TMTC3: variants seen among roughly 807,000 people sequenced by gnomAD.
TMTC3 encodes the protein protein O-mannosyl-transferase TMTC3.
TMTC3 carries 52 observed loss-of-function variants against 92.2 expected under a neutral mutation model. The ratio of observed to expected loss-of-function variants is 0.56; its 90% CI spans 0.45 to 0.71. The LOEUF (loss-of-function observed/expected upper bound fraction) is 0.71. TMTC3 is among the 30% of genes least tolerant of loss of function. TMTC3 has a pLI of 0.00. For missense variants in TMTC3, 896 were observed against 1,057.1 expected (o/e 0.85, Z 2.11); for synonymous variants, 339 against 363.3 (o/e 0.93, Z 0.76).
intron 1 of TMTC3, among the ~76,000 whole-genome samples, chr12:88,146,910 AAT>A (rs1043241357): frequency 6.7e-6 from 1 of 150,154 alleles, no homozygotes; most frequent in African/African-American, 2.4e-5. Context: ...TATTATGTTT[AAT>A]ATGTTTATTA....
intron 4 of TMTC3, among the ~76,000 whole-genome samples, chr12:88,156,622 T>C (rs991271870): frequency 2.6e-5 from 4 of 152,130 alleles, no homozygotes. Context: ...CTAGCCATTG[T>C]AGCTGTGGAT....
At chr12:88,160,495 A>G (rs1409870011) in intron 5 of TMTC3, among the ~76,000 whole-genome samples, 184 bp from the exon 6 acceptor site, 3 of 152,142 alleles carry the variant, frequency 2.0e-5, no homozygotes, top group Non-Finnish European at 2.9e-5. Flanking sequence ...AGTACTGTAC[A>G]GTATAATTCA....
At chr12:88,142,886 G>T (rs2040769929) in intron 1 of TMTC3, among the ~76,000 whole-genome samples, 1 of 152,056 alleles carries the variant, frequency 6.6e-6, no homozygotes, top group African/African-American at 2.4e-5. Flanking sequence ...GAGAGGAGAG[G>T]TTAGTACTTG....
In TMTC3 at chr12:88,148,604, G is replaced by A. The variant is rs2040904240; in HGVS notation, c.189+100G>A. ...CTTTATCAACATTATCATCACAACA[G>A]TTACAGATTTTTAACCCTAAAATGT... is the stretch of plus-strand genomic sequence containing the variant. On this transcript the variant is annotated intron_variant, in intron 2 of 13. Transcript: ENST00000266712. 6 of 890,182 alleles carry A rather than the reference G, an allele frequency of 6.7e-6. No individual in the cohort carries two copies. In the South Asian group the frequency reaches 1.3e-4, roughly 20 times the overall value. The allele number at this position is 890,182 out of a possible 1,614,324, so 55.1% of individuals were successfully genotyped here.
At position 88,160,766 on chromosome 12, in the gene TMTC3, A is replaced by G; in HGVS notation, c.712A>G (p.Lys238Glu). 6.2e-7 allele frequency: 1 copy of G among 1,613,480 alleles called. No individual in the cohort carries two copies. The highest frequency in any genetic ancestry group is 1.1e-5 in the South Asian group (1 of 91,054). Residue 238 changes from lysine (K) to glutamate (E), a missense_variant, in exon 6 of 14, where the codon AAA becomes GAA. Transcript: ENST00000266712. Reference protein sequence around the residue: ...IPFSMLQTLVKLIVLMFSTLL... With the variant: ...IPFSMLQTLVELIVLMFSTLL... The stretch of plus-strand genomic sequence containing the variant: ...ATTTTCTATGCTGCAGACACTAGTA[A>G]AACTCATTGTCTTGATGTTCAGTAC...
chr12:88,192,787 T>C lies in TMTC3; in HGVS notation c.1890T>C (p.His630=), dbSNP rs1040605837. The C allele has an allele frequency of 6.2e-7, 1 of 1,613,184 alleles. No individual in the cohort carries two copies. The highest frequency in any genetic ancestry group is 2.2e-5 in the East Asian group (1 of 44,724). ...FNRALELNPK[H]KLALFNSAIV... Reference sequence around the variant, plus strand: ...GTGCTCTGGAACTAAATCCAAAGCATAAACTAGCATTATTCAACTCTGCTA... The same window carrying C: ...GTGCTCTGGAACTAAATCCAAAGCACAAACTAGCATTATTCAACTCTGCTA... Residue 630 remains histidine (H), a synonymous_variant, in exon 13 of 14, where the codon CAT becomes CAC. Coordinates refer to ENST00000266712, the MANE Select transcript of TMTC3 (RefSeq NM_181783.4).
At chr12:88,163,148 T>C (rs149175123) in intron 6 of TMTC3, among the ~76,000 whole-genome samples, 1,872 of 152,236 alleles carry the variant, frequency 0.012, 50 homozygotes, top group African/African-American at 0.043. Context: ...ACTCCTGACC[T>C]GAGGTGATCC....
chr12:88,170,756 C>T (rs940151908), intron 7 of TMTC3, among the ~76,000 whole-genome samples: 6 of 152,220 alleles, frequency 3.9e-5, no homozygotes, highest in Middle Eastern at 3.4e-3. Context: ...TAAAACAAAT[C>T]GGGGTAACAA....
intron 4 of TMTC3, 144 bp from the exon 5 acceptor site, chr12:88,159,970 A>G (rs1022056616): frequency 7.0e-6 from 3 of 427,408 alleles, no homozygotes; most frequent in Non-Finnish European, 1.2e-5. Flanking sequence ...AAATTATTAA[A>G]TTTAAGTATA....
At position 88,160,661 on chromosome 12, in the gene TMTC3, ATTTCT is replaced by A. The variant is rs778291943; in HGVS notation, c.625-9_625-5del. ...TATGTCGTTATTTGTTGCTTAAAAC[ATTTCT>A]TTTCTTTTTCAGTATACTTTGCCAT... On this transcript the variant is annotated splice_polypyrimidine_tract_variant and intron_variant, in intron 5 of 13. Transcript: ENST00000266712. 7.5e-6 allele frequency: 12 copies of A among 1,609,746 alleles called. No homozygotes were observed. Among genetic ancestry groups the A allele is most frequent in the African/African-American group, 1.3e-5 (1 of 74,718 alleles).
At chr12:88,178,915 C>G (rs2041287926) in intron 10 of TMTC3, among the ~76,000 whole-genome samples, 1 of 152,092 alleles carries the variant, frequency 6.6e-6, no homozygotes, top group African/African-American at 2.4e-5. Context: ...TGTACACATT[C>G]AGTTTTGTCT....
At chr12:88,192,870 G>T in intron 13 of TMTC3, 40 bp downstream of exon 13, 1 of 1,497,920 alleles carries the variant, frequency 6.7e-7, no homozygotes, top group East Asian at 2.5e-5. Context: ...ATAAATTGTA[G>T]TTTATAATAT....
In TMTC3 at chr12:88,148,452, C is replaced by T; in HGVS notation, c.137C>T (p.Thr46Ile). The T allele has an allele frequency of 1.2e-6, 2 of 1,613,052 alleles. No homozygotes were observed. Among genetic ancestry groups the T allele is most frequent in the Non-Finnish European group, 8.5e-7 (1 of 1,179,546 alleles). ...ILDNKDLHPS[T>I]PLKTLFQNDF... is the part of the protein sequence containing the mutation. ...GATAACAAAGACTTGCATCCATCTA[C>T]ACCTTTAAAAACTTTATTTCAAAAT... Residue 46 changes from threonine (T) to isoleucine (I), a missense_variant, in exon 2 of 14, where the codon ACA (threonine) becomes ATA (isoleucine). By Grantham distance (89) the Thr-to-Ile change is moderately conservative (BLOSUM62 -1). Coordinates refer to ENST00000266712, the MANE Select transcript of TMTC3 (RefSeq NM_181783.4).
Position 88,166,482 on chromosome 12 carries a change from A to G in TMTC3, c.950A>G (p.Asp317Gly), listed in dbSNP as rs1403867487. 8 of 1,613,896 alleles carry G rather than the reference A, an allele frequency of 5.0e-6. No homozygotes were observed. Among genetic ancestry groups the G allele is most frequent in the Non-Finnish European group, 5.9e-6 (7 of 1,179,908 alleles). ...ATACCACTTATAGAGTCATTACTAGATATTCGAAATCTGGCCACATTTACT... is the reference window on the plus strand; with the variant it reads ...ATACCACTTATAGAGTCATTACTAGGTATTCGAAATCTGGCCACATTTACT... Reference protein sequence around the residue: ...GTIPLIESLLDIRNLATFTFF... With the variant: ...GTIPLIESLLGIRNLATFTFF... The change falls in exon 7 of 14, where the codon GAT becomes GGT. Residue 317 changes from aspartate to glycine, a missense_variant. Asp to Gly is a moderately conservative substitution (Grantham distance 94). Transcript: ENST00000266712.
chr12:88,189,578 A>G (rs2041420203), intron 11 of TMTC3, among the ~76,000 whole-genome samples: 1 of 152,144 alleles, frequency 6.6e-6, no homozygotes, highest in South Asian at 2.1e-4. Context: ...TAAAGTGATA[A>G]AATTAGTAGA....
intron 8 of TMTC3, 128 bp from the exon 9 acceptor site, chr12:88,174,479 G>A (rs1182886513): frequency 3.6e-6 from 4 of 1,110,054 alleles, no homozygotes; most frequent in African/African-American, 3.2e-5. Context: ...TCATTAGAAT[G>A]AATTAGAATA....
intron 10 of TMTC3, among the ~76,000 whole-genome samples, chr12:88,183,029 A>G (rs1016310392): frequency 2.0e-5 from 3 of 152,152 alleles, no homozygotes; most frequent in African/African-American, 4.8e-5. Context: ...TCATGCAGAA[A>G]TCTCCATTTG....
rs1555232397 is a variant in TMTC3, at chr12:88,160,661, A to C, written c.625-18A>C. 2.7e-5 allele frequency: 43 copies of C among 1,609,746 alleles called. 1 individual carries two copies. In the Middle Eastern group the frequency reaches 4.9e-4, roughly 19 times the overall value. On this transcript the variant is annotated intron_variant, in intron 5 of 13. Transcript: ENST00000266712. ...TATGTCGTTATTTGTTGCTTAAAAC[A>C]TTTCTTTTCTTTTTCAGTATACTTT... is the stretch of plus-strand genomic sequence containing the variant.
chr12:88,168,520 G>A (rs2041171314), intron 7 of TMTC3, among the ~76,000 whole-genome samples: 1 of 152,188 alleles, frequency 6.6e-6, no homozygotes, highest in South Asian at 2.1e-4. Context: ...GCAATGTCAG[G>A]GAGAGACTGT....
Sources: gnomAD v4.1 joint callset for allele counts (sites outside exome capture counted in the v4.1 genomes callset) on GRCh38, gnomAD v4.1.1 for gene constraint, MANE v1.5 for transcripts, NCBI Gene and HGNC (gene_info 2026-07-23, HGNC 2026-07-21) for gene names.